Variants in PRKN observed in about 807,000 individuals in gnomAD.
PRKN encodes the protein parkin RBR E3 ubiquitin protein ligase, also known as E3 ubiquitin-protein ligase parkin.
In PRKN, 56 loss-of-function variants were observed where a neutral mutation model predicts 59.5. The ratio of observed to expected loss-of-function variants is 0.94; its 90% confidence interval spans 0.76 to 1.18. The LOEUF (loss-of-function observed/expected upper bound fraction) is 1.18, where lower values mean the gene tolerates loss of function less well. PRKN is among the 50% of genes most tolerant of loss of function. The pLI, the probability that PRKN is intolerant of heterozygous loss-of-function variation, is 0.00. For missense variants in PRKN, 657 were observed against 596.4 expected, an observed-to-expected ratio of 1.10 and a Z score of -1.06; for synonymous variants, 250 against 222.1, an observed-to-expected ratio of 1.13 and a Z score of -1.12.
intron 7 of PRKN, among the ~76,000 whole-genome samples, chr6:161,646,142 T>C (rs1455708116): frequency 3.7e-5 from 3 of 81,346 alleles, no homozygotes; most frequent in African/African-American, 1.4e-4. Context: ...TGTGCGTGCG[T>C]GGCGGAGGAG....
At chr6:161,450,788 C>G (rs911421686) in intron 9 of PRKN, among the ~76,000 whole-genome samples, 1 of 152,190 alleles carries the variant, frequency 6.6e-6, no homozygotes, top group Admixed American at 6.5e-5. Flanking sequence ...ACCTCCTGAC[C>G]TCGTGATCTG....
At chr6:162,562,883 A>G (rs1313157728) in intron 1 of PRKN, among the ~76,000 whole-genome samples, 1 of 152,208 alleles carries the variant, frequency 6.6e-6, no homozygotes, top group Non-Finnish European at 1.5e-5. Flanking sequence ...GGTGAGACTC[A>G]GCCCTTTGTT....
chr6:162,566,286 G>A (rs1780075608), intron 1 of PRKN, among the ~76,000 whole-genome samples: 1 of 151,010 alleles, frequency 6.6e-6, no homozygotes, highest in Admixed American at 6.6e-5. Context: ...TAATAATAAA[G>A]ATCAGAGCAG....
chr6:162,607,990 A>C (rs767934387), intron 1 of PRKN, among the ~76,000 whole-genome samples: 12 of 152,186 alleles, frequency 7.9e-5, no homozygotes, highest in Non-Finnish European at 1.3e-4. Context: ...ATTAACATAG[A>C]GCCAATTTGT....
chr6:162,281,810 C>G (rs1780923718), intron 2 of PRKN, among the ~76,000 whole-genome samples: 1 of 152,140 alleles, frequency 6.6e-6, no homozygotes, highest in South Asian at 2.1e-4. Context: ...CAGTCTACAG[C>G]AGCAGTCCTG....
At chr6:161,374,099 G>C (rs1223678080) in intron 10 of PRKN, among the ~76,000 whole-genome samples, 1 of 152,156 alleles carries the variant, frequency 6.6e-6, no homozygotes, top group African/African-American at 2.4e-5. Context: ...GATACTGAGT[G>C]GGGTGTGCAG....
chr6:161,635,813 T>C (rs565214990), intron 7 of PRKN, among the ~76,000 whole-genome samples: 10 of 152,308 alleles, frequency 6.6e-5, no homozygotes, highest in African/African-American at 2.4e-4. Context: ...CTCAGAACTT[T>C]AAGTAACTAA....
chr6:162,509,393 A>G (rs1020150914), intron 1 of PRKN, among the ~76,000 whole-genome samples: 2 of 152,176 alleles, frequency 1.3e-5, no homozygotes, highest in East Asian at 1.9e-4. Flanking sequence ...CCAAATTTGT[A>G]TATTTTATGT....
At chr6:162,678,667 A>G (rs961430300) in intron 1 of PRKN, among the ~76,000 whole-genome samples, 1 of 152,140 alleles carries the variant, frequency 6.6e-6, no homozygotes, top group Admixed American at 6.6e-5. Flanking sequence ...TTGAGTTTTG[A>G]GAGTTCTTTA....
chr6:162,323,183 T>C (rs1267778677), intron 2 of PRKN, among the ~76,000 whole-genome samples: 1 of 151,690 alleles, frequency 6.6e-6, no homozygotes, highest in African/African-American at 2.4e-5. Context: ...CATATGTAAC[T>C]AACCTGCACA....
At chr6:161,876,540 T>C (rs1454367297) in intron 6 of PRKN, among the ~76,000 whole-genome samples, 7 of 152,140 alleles carry the variant, frequency 4.6e-5, no homozygotes, top group Admixed American at 2.0e-4. Context: ...CTCAAACTCC[T>C]GAGCTCAAGT....
chr6:161,892,865 C>T (rs879658913), intron 6 of PRKN, among the ~76,000 whole-genome samples: 11 of 152,332 alleles, frequency 7.2e-5, no homozygotes, highest in African/African-American at 2.4e-4. Context: ...TTTTATGAGA[C>T]GGAGTCTCAC....
intron 6 of PRKN, among the ~76,000 whole-genome samples, chr6:161,877,168 G>A (rs1291849207): frequency 6.6e-6 from 1 of 151,994 alleles, no homozygotes; most frequent in Non-Finnish European, 1.5e-5. Context: ...TTCTGATGCA[G>A]GTGTGCACAG....
At chr6:161,389,321 A>G (rs975101421) in intron 9 of PRKN, among the ~76,000 whole-genome samples, 2 of 152,262 alleles carry the variant, frequency 1.3e-5, no homozygotes, top group African/African-American at 4.8e-5. Context: ...AAAAAGGAAA[A>G]GCATTTTATA....
rs191142442 is a variant in PRKN, at chr6:161,348,742, G to T, written c.*1357C>A. ...TGTGCTAGTGAGACTCATGCCCTCA[G>T]TTATGTTCACGATCTTCCTGAGAAG... On this transcript the variant is annotated 3_prime_UTR_variant, in exon 12 of 12. Transcript: ENST00000366898. The surrounding 1 kb of genome is among the most constrained non-coding windows in gnomAD (Gnocchi z 4.9). 6.2e-5 allele frequency: 13 copies of T among 210,196 alleles called. No individual in the cohort carries two copies. The East Asian group carries it at 9.2e-4, about 15-fold the overall frequency. The allele number at this position is 210,196 out of a possible 1,614,324, so 13.0% of individuals were successfully genotyped here.
At chr6:162,625,362 A>T (rs1782841224) in intron 1 of PRKN, among the ~76,000 whole-genome samples, 1 of 152,204 alleles carries the variant, frequency 6.6e-6, no homozygotes, top group Non-Finnish European at 1.5e-5. Context: ...GTTTATAAAC[A>T]GTTTTCATTT....
At chr6:162,112,764 C>T (rs1259072213) in intron 4 of PRKN, among the ~76,000 whole-genome samples, 1 of 151,620 alleles carries the variant, frequency 6.6e-6, no homozygotes, top group African/African-American at 2.4e-5. Flanking sequence ...CATAGTGAGA[C>T]CCCCATCTTT....
intron 1 of PRKN, among the ~76,000 whole-genome samples, chr6:162,606,079 T>G (rs1781900856): frequency 6.6e-6 from 1 of 152,160 alleles, no homozygotes; most frequent in South Asian, 2.1e-4. Flanking sequence ...AAGATCAATG[T>G]GCCTACAATG....
intron 1 of PRKN, among the ~76,000 whole-genome samples, chr6:162,718,611 G>A (rs1778814006): frequency 6.6e-6 from 1 of 152,026 alleles, no homozygotes; most frequent in African/African-American, 2.4e-5. Flanking sequence ...TACTCGGGAG[G>A]CTGAGGCAGG....
Sources: gnomAD v4.1 joint callset for allele counts (sites outside exome capture counted in the v4.1 genomes callset) on GRCh38, gnomAD v4.1.1 for gene constraint, Gnocchi (gnomAD v3.1) non-coding constraint, MANE v1.5 for transcripts, NCBI Gene and HGNC (gene_info 2026-07-23, HGNC 2026-07-21) for gene names.